PREX2: variants seen among roughly 807,000 people sequenced by gnomAD.
The protein encoded by PREX2 is phosphatidylinositol-3,4,5-trisphosphate dependent Rac exchange factor 2, also known as phosphatidylinositol 3,4,5-trisphosphate-dependent Rac exchanger 2 protein.
A neutral mutation model predicts 203.2 loss-of-function variants in PREX2; 107 were observed. The ratio of observed to expected loss-of-function variants is 0.53; its 90% confidence interval spans 0.45 to 0.62. The LOEUF (loss-of-function observed/expected upper bound fraction) is 0.62, where lower values mean the gene tolerates loss of function less well. Among genes scored for constraint, PREX2 ranks in the 20% least tolerant of loss-of-function variants. The pLI is 0.00. For synonymous variants in PREX2, 672 were observed against 663.6 expected (o/e 1.01, Z -0.19); for missense variants, 1,777 against 1,955.9 (o/e 0.91, Z 1.72).
intron 4 of PREX2, 28 bp downstream of exon 4, chr8:68,022,168 T>C (rs367814288): frequency 2.9e-6 from 3 of 1,045,026 alleles, no homozygotes; most frequent in Non-Finnish European, 4.5e-6. Context: ...TGTTACTGTA[T>C]GTTGATATGT....
intron 30 of PREX2, among the ~76,000 whole-genome samples, chr8:68,121,930 C>T (rs1810782278): frequency 6.6e-6 from 1 of 152,084 alleles, no homozygotes; most frequent in Admixed American, 6.6e-5. Context: ...AATACTATTC[C>T]TGTGTTTACA....
At position 67,985,588 on chromosome 8, in the gene PREX2, G is replaced by A. The variant is rs546071134; in HGVS notation, c.142-32258G>A. Among the ~76,000 whole-genome samples, 14 of 152,292 alleles carry A rather than the reference G, an allele frequency of 9.2e-5. No homozygotes were observed. The East Asian group carries it at 2.5e-3, about 27-fold the overall frequency. ...TAATTTTTCTTATTGTCGGAGATAGGAAAATGATCATTTCTTCTGGGACAC... is the reference window on the plus strand; with the variant it reads ...TAATTTTTCTTATTGTCGGAGATAGAAAAATGATCATTTCTTCTGGGACAC... On this transcript the variant is annotated intron_variant, in intron 1 of 39. Transcript: ENST00000288368.
chr8:68,065,601 T>A (rs947902878), intron 11 of PREX2, among the ~76,000 whole-genome samples: 2 of 152,216 alleles, frequency 1.3e-5, no homozygotes, highest in African/African-American at 4.8e-5. Flanking sequence ...TTCTTCTGGA[T>A]GCATCAAATG....
At chr8:68,114,535 A>C (rs148102933) in intron 25 of PREX2, among the ~76,000 whole-genome samples, 78 of 152,248 alleles carry the variant, frequency 5.1e-4, no homozygotes, top group African/African-American at 1.7e-3. Flanking sequence ...TTTTTGCCTA[A>C]TTTTGAGTTA....
At chr8:68,057,894 A>G (rs577105600) in intron 10 of PREX2, among the ~76,000 whole-genome samples, 1 of 152,306 alleles carries the variant, frequency 6.6e-6, no homozygotes, top group African/African-American at 2.4e-5. Flanking sequence ...GTTTGTTCTT[A>G]TTGAAGAAGA....
intron 35 of PREX2, among the ~76,000 whole-genome samples, chr8:68,174,061 G>A (rs1811933348): frequency 6.6e-6 from 1 of 152,092 alleles, no homozygotes; most frequent in Non-Finnish European, 1.5e-5. Flanking sequence ...ATATATTCAA[G>A]GCATCTTAGT....
chr8:67,956,021 TG>T (rs1264030053), intron 1 of PREX2, among the ~76,000 whole-genome samples: 6 of 152,244 alleles, frequency 3.9e-5, no homozygotes, highest in Non-Finnish European at 8.8e-5. Flanking sequence ...TTTAAATTTT[TG>T]TTTGAGATCA....
In PREX2 at chr8:68,053,418, A is replaced by G. The variant is rs143709112; in HGVS notation, c.1093+172A>G. On this transcript the variant is annotated intron_variant, in intron 9 of 39. Transcript: ENST00000288368. The stretch of plus-strand genomic sequence containing the variant: ...ATTGAAAGCAATTACTTCTCCACCA[A>G]CCTAATACTATGTGACGTGAGCCTC... Among the ~76,000 whole-genome samples, 486 of 152,128 alleles carry G rather than the reference A, an allele frequency of 3.2e-3. 4 individuals are homozygous for G. The highest frequency in any genetic ancestry group is 0.011 in the African/African-American group (460 of 41,508).
At position 68,235,245 on chromosome 8, in the gene PREX2, T is replaced by C. The variant is rs1813244156; in HGVS notation, c.*3867T>C. The stretch of plus-strand genomic sequence containing the variant: ...GAAATTTAAAATGAATAGTCTTACT[T>C]TAAGGTCACTTTTACTTTACATTTT... On this transcript the variant is annotated 3_prime_UTR_variant, in exon 40 of 40. Transcript: ENST00000288368. The C allele has an allele frequency of 6.6e-6, 1 of 152,172 alleles. No individual in the cohort carries two copies. The highest frequency in any genetic ancestry group is 1.5e-5 in the Non-Finnish European group (1 of 68,014). The allele number at this position is 152,172 out of a possible 1,614,324, so 9.4% of individuals were successfully genotyped here.
chr8:67,976,981 C>T (rs1806130125), intron 1 of PREX2, among the ~76,000 whole-genome samples: 1 of 152,136 alleles, frequency 6.6e-6, no homozygotes, highest in South Asian at 2.1e-4. Context: ...AAATTGTGAG[C>T]AAAATAAATG....
Position 68,027,464 on chromosome 8 carries a change from G to A in PREX2, c.543+141G>A, listed in dbSNP as rs573864711. 7.7e-5 allele frequency: 47 copies of A among 610,450 alleles called. No homozygotes were observed. The South Asian group carries it at 9.6e-4, about 13-fold the overall frequency. The allele number at this position is 610,450 out of a possible 1,614,324, so 37.8% of individuals were successfully genotyped here. ...AGTATTGGAAAAAAGTGGCCATTTT[G>A]TCACAAATTTATATATAGTGTAGGA... On this transcript the variant is annotated intron_variant, in intron 5 of 39. Transcript: ENST00000288368.
chr8:68,205,132 A>C (rs1315319533), intron 37 of PREX2, among the ~76,000 whole-genome samples: 1 of 152,180 alleles, frequency 6.6e-6, no homozygotes, highest in South Asian at 2.1e-4. Context: ...GTATCAATAA[A>C]TATTGGGAGG....
chr8:68,177,265 A>G (rs1473901331), intron 35 of PREX2: 1 of 152,260 alleles, frequency 6.6e-6, no homozygotes, highest in African/African-American at 2.4e-5. Flanking sequence ...GCAATCAAAA[A>G]TAAAAGTTGT....
chr8:68,080,618 T>A, intron 16 of PREX2, 33 bp downstream of exon 16: 5 of 1,548,176 alleles, frequency 3.2e-6, no homozygotes, highest in Non-Finnish European at 3.5e-6. Flanking sequence ...TAAGTTTTCT[T>A]CTTGATTAGA....
chr8:67,971,982 G>A (rs183550487), intron 1 of PREX2, among the ~76,000 whole-genome samples: 1 of 152,292 alleles, frequency 6.6e-6, no homozygotes, highest in East Asian at 1.9e-4. Flanking sequence ...GATGAGATAT[G>A]GAGAATTATT....
At position 68,006,519 on chromosome 8, in the gene PREX2, A is replaced by C. The variant is rs533592876; in HGVS notation, c.142-11327A>C. Among the ~76,000 whole-genome samples the C allele has an allele frequency of 2.0e-5, 3 of 152,254 alleles. No individual in the cohort carries two copies. The East Asian group carries it at 5.8e-4, about 29-fold the overall frequency. Reference sequence around the variant, plus strand: ...CAGCATCCGTCAGGGTCACCTTTAGACCAGTGATCAGCTACTATATGTCAT... The same window carrying C: ...CAGCATCCGTCAGGGTCACCTTTAGCCCAGTGATCAGCTACTATATGTCAT... On this transcript the variant is annotated intron_variant, in intron 1 of 39. Transcript: ENST00000288368.
chr8:68,191,803 TTA>T lies in PREX2; in HGVS notation c.4413+19_4413+20del. 1 of 1,528,238 alleles carries T rather than the reference TTA, an allele frequency of 6.5e-7. No homozygotes were observed. The highest frequency in any genetic ancestry group is 9.0e-7 in the Non-Finnish European group (1 of 1,107,128). The allele number at this position is 1,528,238 out of a possible 1,614,324, so 94.7% of individuals were successfully genotyped here. A position where few individuals can be genotyped will look rare whatever the true frequency, so the allele number is the denominator to read the frequency against. On this transcript the variant is annotated intron_variant, in intron 36 of 39. Transcript: ENST00000288368. ...ATGTAGATAAGGTAAAAACAGATGA[TTA>T]TATTTATTGGTGCTTTTTAATTTAA...
chr8:68,075,486 C>A (rs187376116), intron 14 of PREX2, among the ~76,000 whole-genome samples: 184 of 152,248 alleles, frequency 1.2e-3, no homozygotes, highest in African/African-American at 4.2e-3. Context: ...CAGGAAGCCT[C>A]GCCAGATCCT....
chr8:67,975,931 G>T (rs1806069729), intron 1 of PREX2, among the ~76,000 whole-genome samples: 1 of 150,398 alleles, frequency 6.6e-6, no homozygotes, highest in Non-Finnish European at 1.5e-5. Context: ...GGCCAGGCTG[G>T]TCTCAAACTC....
Sources: allele counts gnomAD v4.1 joint callset (sites outside exome capture counted in the v4.1 genomes callset), GRCh38; gene constraint gnomAD v4.1.1; transcripts MANE v1.5; gene names NCBI Gene and HGNC (gene_info 2026-07-23, HGNC 2026-07-21).